SEMA6D: variants seen among roughly 807,000 people sequenced by gnomAD.
SEMA6D encodes the protein semaphorin 6D.
In SEMA6D, 35 loss-of-function variants were observed where a neutral mutation model predicts 106.6. The observed-to-expected ratio is 0.33, with a 90% CI of 0.25 to 0.44. SEMA6D has a LOEUF of 0.44. Ranked by LOEUF, SEMA6D falls within the 20% of genes least tolerant of loss-of-function variation. The pLI is 1.00. For missense variants in SEMA6D, 1,185 were observed against 1,345.9 expected (o/e 0.88, Z 1.87); for synonymous variants, 499 against 487.7 (o/e 1.02, Z -0.31).
At chr15:47,379,358 C>T (rs1474488403) in intron 1 of SEMA6D, among the ~76,000 whole-genome samples, 3 of 152,122 alleles carry the variant, frequency 2.0e-5, no homozygotes, top group African/African-American at 7.2e-5. Context: ...AAAGATACAT[C>T]GAGTAACCTC....
chr15:47,463,889 C>T (rs573101820), intron 2 of SEMA6D, among the ~76,000 whole-genome samples: 52 of 152,240 alleles, frequency 3.4e-4, no homozygotes, highest in African/African-American at 1.2e-3. Flanking sequence ...CTTGTGGCTG[C>T]GTTACTCCAA....
chr15:47,655,632 GA>G (rs2077777602), intron 4 of SEMA6D, among the ~76,000 whole-genome samples: 1 of 152,176 alleles, frequency 6.6e-6, no homozygotes, highest in South Asian at 2.1e-4. Context: ...AAACATGTGG[GA>G]AGAGCAAAGG....
At chr15:47,512,602 A>C (rs2044265375) in intron 3 of SEMA6D, among the ~76,000 whole-genome samples, 1 of 152,178 alleles carries the variant, frequency 6.6e-6, no homozygotes. Context: ...TTTAGGTATG[A>C]GGAAGAATGG....
intron 1 of SEMA6D, among the ~76,000 whole-genome samples, chr15:47,257,060 CTT>C (rs531171004): frequency 0.014 from 1,876 of 137,824 alleles, 27 homozygotes; most frequent in Admixed American, 0.014. Context: ...GAACAGAATT[CTT>C]TTTTTTTTTT....
chr15:47,191,200 T>C (rs1893940230), intron 1 of SEMA6D, among the ~76,000 whole-genome samples: 1 of 149,706 alleles, frequency 6.7e-6, no homozygotes, highest in South Asian at 2.1e-4. Context: ...TATATATACT[T>C]GATATTCTTT....
chr15:47,716,193 G>T (rs750457196), upstream of SEMA6D, among the ~76,000 whole-genome samples: 8 of 152,168 alleles, frequency 5.3e-5, no homozygotes, highest in Non-Finnish European at 1.2e-4. Flanking sequence ...CAGCAGGAAA[G>T]AGTCTATATT....
chr15:47,645,518 T>G (rs1175228830), intron 4 of SEMA6D, among the ~76,000 whole-genome samples: 1 of 152,066 alleles, frequency 6.6e-6, no homozygotes, highest in Admixed American at 6.5e-5. Flanking sequence ...TTTTTTCTTC[T>G]TCTTCTTCTT....
intron 1 of SEMA6D, among the ~76,000 whole-genome samples, chr15:47,388,886 A>G (rs2039934621): frequency 6.6e-6 from 1 of 152,230 alleles, no homozygotes; most frequent in Admixed American, 6.5e-5. Context: ...GAACTTAATC[A>G]GTTATAAAAT....
intron 4 of SEMA6D, among the ~76,000 whole-genome samples, chr15:47,625,515 T>C (rs1427489581): frequency 6.6e-6 from 1 of 151,962 alleles, no homozygotes; most frequent in Non-Finnish European, 1.5e-5. Flanking sequence ...GGCAGGCAAA[T>C]TGCTTGAGCT....
intron 1 of SEMA6D, among the ~76,000 whole-genome samples, chr15:47,357,459 A>T (rs2038631126): frequency 6.6e-6 from 1 of 152,220 alleles, no homozygotes; most frequent in South Asian, 2.1e-4. Flanking sequence ...AGCCTAAAAT[A>T]TGCTTAAATG....
In SEMA6D at chr15:47,441,408, G is replaced by A. The variant is rs1207943329; in HGVS notation, c.-159+28936G>A. ...TAAGTTGGGAGGGTAGGAACAAGGT[G>A]TATTGAGAAATGACAAAATGGAGTG... On this transcript the variant is annotated intron_variant, in intron 2 of 19. Transcript: ENST00000558014. Among the ~76,000 whole-genome samples the A allele has an allele frequency of 3.9e-5, 6 of 152,118 alleles. 1 individual carries two copies. Among genetic ancestry groups the A allele is most frequent in the Admixed American group, 3.9e-4 (6 of 15,256 alleles).
chr15:47,768,802 T>C (rs1194263343), intron 18 of SEMA6D, 54 bp downstream of exon 18: 11 of 1,549,734 alleles, frequency 7.1e-6, no homozygotes, highest in Admixed American at 1.8e-5. Context: ...TGATCCTTAA[T>C]GTCACTGAGG....
intron 1 of SEMA6D, among the ~76,000 whole-genome samples, chr15:47,257,438 A>T (rs2033867544): frequency 6.6e-6 from 1 of 152,182 alleles, no homozygotes; most frequent in Non-Finnish European, 1.5e-5. Context: ...CTTTTGTGTT[A>T]CCAGTTTCCC....
At chr15:47,707,059 T>G (rs369760991) in intron 4 of SEMA6D, among the ~76,000 whole-genome samples, 2 of 152,220 alleles carry the variant, frequency 1.3e-5, no homozygotes, top group South Asian at 4.1e-4. Context: ...ATCTAATCTT[T>G]TATTGTTATA....
chr15:47,296,053 A>G (rs908555717), intron 1 of SEMA6D, among the ~76,000 whole-genome samples: 1 of 152,206 alleles, frequency 6.6e-6, no homozygotes, highest in Non-Finnish European at 1.5e-5. Flanking sequence ...CCCAAGTGTC[A>G]GTTTTCTGAT....
intron 4 of SEMA6D, among the ~76,000 whole-genome samples, chr15:47,711,840 CTT>C (rs1361746091): frequency 1.3e-5 from 2 of 152,160 alleles, no homozygotes; most frequent in African/African-American, 4.8e-5. Flanking sequence ...ATTCTATTCT[CTT>C]TTCCTTAACC....
intron 1 of SEMA6D, among the ~76,000 whole-genome samples, chr15:47,305,774 A>G (rs1315850532): frequency 6.6e-6 from 1 of 152,176 alleles, no homozygotes. Flanking sequence ...ACCACAGGCC[A>G]GGATACTTCT....
intron 1 of SEMA6D, among the ~76,000 whole-genome samples, chr15:47,258,435 A>G (rs973245145): frequency 6.6e-5 from 10 of 152,172 alleles, no homozygotes; most frequent in African/African-American, 2.4e-4. Context: ...GATAAAGATA[A>G]TACTTGTCAT....
chr15:47,314,027 A>C (rs2036543190), intron 1 of SEMA6D, among the ~76,000 whole-genome samples: 1 of 152,216 alleles, frequency 6.6e-6, no homozygotes, highest in Admixed American at 6.5e-5. Context: ...ACTGTCTTTC[A>C]AAGTGGCTGT....
Sources: gnomAD v4.1 joint callset for allele counts (sites outside exome capture counted in the v4.1 genomes callset) on GRCh38, gnomAD v4.1.1 for gene constraint, MANE v1.5 for transcripts, NCBI Gene and HGNC (gene_info 2026-07-23, HGNC 2026-07-21) for gene names.